ATXN3: variants seen among roughly 807,000 people sequenced by gnomAD.
The protein encoded by ATXN3 is ataxin-3.
ATXN3 carries 28 observed loss-of-function variants against 58.2 expected under a neutral mutation model. The observed-to-expected ratio is 0.48, with a 90% CI of 0.36 to 0.66. The LOEUF (loss-of-function observed/expected upper bound fraction) is 0.66, where lower values mean the gene tolerates loss of function less well. Among genes scored for constraint, ATXN3 ranks in the 30% least tolerant of loss-of-function variants. ATXN3 has a pLI of 0.00. For synonymous variants in ATXN3, 113 were observed against 138.5 expected (o/e 0.82, Z 1.29); for missense variants, 321 against 422.1 (o/e 0.76, Z 2.10).
At chr14:92,088,380 T>C (rs985974939) in intron 6 of ATXN3, among the ~76,000 whole-genome samples, 1 of 152,160 alleles carries the variant, frequency 6.6e-6, no homozygotes, top group Non-Finnish European at 1.5e-5. Context: ...GTTAGGGGCA[T>C]GTATTTCAAA....
intron 1 of ATXN3, among the ~76,000 whole-genome samples, chr14:92,105,777 C>G (rs372110002): frequency 5.9e-5 from 9 of 152,310 alleles, no homozygotes; most frequent in Admixed American, 5.2e-4. Flanking sequence ...GGACAGCAGG[C>G]TAGGCAGACT....
chr14:92,059,905 A>C lies in ATXN3; in HGVS notation c.*4415T>G, dbSNP rs554810577. The C allele has an allele frequency of 2.6e-5, 4 of 151,596 alleles. No individual in the cohort carries two copies. Among genetic ancestry groups the C allele is most frequent in the East Asian group, 1.9e-4 (1 of 5,142 alleles). The allele number at this position is 151,596 out of a possible 1,614,324, so 9.4% of individuals were successfully genotyped here. On this transcript the variant is annotated 3_prime_UTR_variant, in exon 11 of 11. Coordinates refer to ENST00000644486, the MANE Select transcript of ATXN3 (RefSeq NM_004993.6). Reference sequence around the variant, plus strand: ...GTTTCCGGATTAAAAAAAAACAAACAAACCTTTAAGATGGAGTTTTACTCT... The same window carrying C: ...GTTTCCGGATTAAAAAAAAACAAACCAACCTTTAAGATGGAGTTTTACTCT...
chr14:92,045,634 T>A (rs1490497509), intron 2 of ATXN3, among the ~76,000 whole-genome samples: 1 of 152,132 alleles, frequency 6.6e-6, no homozygotes. Context: ...AGTGATTTCC[T>A]TGAGGATAGA....
At chr14:92,076,339 T>C (rs1223408650) in intron 9 of ATXN3, among the ~76,000 whole-genome samples, 1 of 151,664 alleles carries the variant, frequency 6.6e-6, no homozygotes, top group South Asian at 2.1e-4. Flanking sequence ...TCCCAGCTAC[T>C]TGGGAGGCTG....
intron 6 of ATXN3, among the ~76,000 whole-genome samples, chr14:92,085,690 T>C (rs1397743571): frequency 2.6e-5 from 4 of 152,176 alleles, no homozygotes; most frequent in African/African-American, 9.7e-5. Context: ...AAAAAATAAG[T>C]CTTTCATAGA....
At chr14:92,101,353 A>C (rs1054257101) in intron 1 of ATXN3, among the ~76,000 whole-genome samples, 1 of 152,174 alleles carries the variant, frequency 6.6e-6, no homozygotes, top group Non-Finnish European at 1.5e-5. Context: ...AAAATAAATA[A>C]AAATAAAAAC....
intron 6 of ATXN3, among the ~76,000 whole-genome samples, chr14:92,087,623 G>A (rs1566957564): frequency 1.3e-5 from 2 of 152,204 alleles, no homozygotes; most frequent in Admixed American, 1.3e-4. Flanking sequence ...GTATGATGGA[G>A]GGAGAGAGGG....
At chr14:92,064,932 T>C (rs576627670) in intron 10 of ATXN3, among the ~76,000 whole-genome samples, 19 of 152,310 alleles carry the variant, frequency 1.2e-4, no homozygotes, top group African/African-American at 4.6e-4. Context: ...AATAGTTACA[T>C]CTTATGTAAC....
chr14:92,093,699 A>T, intron 4 of ATXN3, 47 bp downstream of exon 4: 1 of 1,387,096 alleles, frequency 7.2e-7, no homozygotes, highest in Non-Finnish European at 1.0e-6. Context: ...AACTTTAAAA[A>T]TCAAATTTGG....
intron 10 of ATXN3, among the ~76,000 whole-genome samples, chr14:92,067,154 T>A (rs964392875): frequency 5.3e-5 from 8 of 152,158 alleles, no homozygotes; most frequent in African/African-American, 1.9e-4. Flanking sequence ...GGAAATCTGC[T>A]GTCATTCAAA....
intron 1 of ATXN3, among the ~76,000 whole-genome samples, chr14:92,100,248 C>T (rs2066461020): frequency 6.6e-6 from 1 of 152,102 alleles, no homozygotes; most frequent in Non-Finnish European, 1.5e-5. Context: ...CTCCTATGAT[C>T]TAGCAATTCC....
rs55995323 is a variant in ATXN3, at chr14:92,085,184, T to A, written c.476-1926A>T. On this transcript the variant is annotated intron_variant, in intron 6 of 10. Coordinates refer to ENST00000644486, the MANE Select transcript of ATXN3 (RefSeq NM_004993.6). ...CTTGGGTTTTATTCAAGACTTCACA[T>A]ATTTTTTTTTTTTAATTTTTTTTTG... 6.3e-3 allele frequency among the ~76,000 whole-genome samples: 945 copies of A among 150,008 alleles called. 10 individuals are homozygous for A. The highest frequency in any genetic ancestry group is 0.021 in the African/African-American group (873 of 40,844).
chr14:92,096,918 T>C, intron 1 of ATXN3, 80 bp from the exon 2 acceptor site: 2 of 1,366,752 alleles, frequency 1.5e-6, no homozygotes, highest in Admixed American at 3.8e-5. Flanking sequence ...TAATTTTTTT[T>C]TTTTTTTGAG....
intron 6 of ATXN3, among the ~76,000 whole-genome samples, chr14:92,087,201 C>T (rs561944356): frequency 1.3e-5 from 2 of 152,018 alleles, no homozygotes; most frequent in African/African-American, 4.8e-5. Flanking sequence ...TTTATAAACA[C>T]CTTGGAGGGT....
At position 92,064,398 on chromosome 14, in the gene ATXN3, T is replaced by C; in HGVS notation, c.1008A>G (p.Glu336=). ...LGSDLGDAMS[E]EDMLQAAVTM... ...TCACAGCTGCCTGAAGCATGTCTTCTTCACTCATAGCATCACCTGTTGGGA... is the reference window on the plus strand; with the variant it reads ...TCACAGCTGCCTGAAGCATGTCTTCCTCACTCATAGCATCACCTGTTGGGA... The change falls in exon 11 of 11, where the codon GAA becomes GAG. Residue 336 remains glutamate (E), a synonymous_variant. Transcript: ENST00000644486. 4 of 1,612,484 alleles carry C rather than the reference T, an allele frequency of 2.5e-6. No homozygotes were observed. Among genetic ancestry groups the C allele is most frequent in the Admixed American group, 1.7e-5 (1 of 59,972 alleles).
Position 92,104,876 on chromosome 14 carries a change from G to A in ATXN3, c.24+1653C>T, listed in dbSNP as rs371007546. 5.4e-3 allele frequency among the ~76,000 whole-genome samples: 812 copies of A among 149,746 alleles called. 9 individuals carry two copies. Among genetic ancestry groups the A allele is most frequent in the African/African-American group, 0.019 (781 of 40,592 alleles). On this transcript the variant is annotated intron_variant, in intron 1 of 10. Transcript: ENST00000644486. ...GGCGGAGGTTGCAGTGAGCCATGAT[G>A]GCGCCATTGCACTCCAGCCTGGGTG...
chr14:92,082,321 C>T lies in ATXN3; in HGVS notation c.754G>A (p.Ala252Thr), dbSNP rs2061611457. Residue 252 changes from alanine to threonine, a missense_variant, in exon 8 of 11, where the codon GCT becomes ACT. Around this residue, in one of 2 missense-constraint regions of ATXN3, gnomAD observed 200 missense variants for 223.2 expected, o/e 0.90. Coordinates refer to ENST00000644486, the MANE Select transcript of ATXN3 (RefSeq NM_004993.6). ...MEDEEADLRRAIQLSMQGSSR... is the reference protein window; with the variant it reads ...MEDEEADLRRTIQLSMQGSSR... ...TTACCTTGCATACTTAGCTGAATAG[C>T]CCTGCGGAGATCTGCTTCCTCATCT... 7 of 1,614,046 alleles carry T rather than the reference C, an allele frequency of 4.3e-6. No homozygotes were observed. The highest frequency in any genetic ancestry group is 1.7e-6 in the Non-Finnish European group (2 of 1,179,992).
intron 2 of ATXN3, among the ~76,000 whole-genome samples, chr14:92,045,864 A>G (rs1243250928): frequency 2.0e-5 from 3 of 152,176 alleles, no homozygotes; most frequent in African/African-American, 7.2e-5. Context: ...AGAAGAAGAA[A>G]AACTGGCCGT....
Position 92,064,333 on chromosome 14 carries a change from T to C in ATXN3, c.1073A>G (p.Glu358Gly), listed in dbSNP as rs774914247. 7 of 1,607,930 alleles carry C rather than the reference T, an allele frequency of 4.4e-6. No individual in the cohort carries two copies. In the South Asian group the frequency reaches 7.7e-5, roughly 18 times the overall value. Residue 358 changes from glutamate to glycine, a missense_variant, in exon 11 of 11, where the codon GAA becomes GGA. Transcript: ENST00000644486. Reference protein sequence around the residue: ...LETVRNDLKTEGKK With the variant: ...LETVRNDLKTGGKK ...TTTTTAAAGGTATTATTTTTTTCCT[T>C]CTGTTTTCAAATCATTTCTGACAGT...
Sources: allele counts gnomAD v4.1 joint callset (sites outside exome capture counted in the v4.1 genomes callset), GRCh38; gene constraint gnomAD v4.1.1; regional missense constraint gnomAD v4.1.1; transcripts MANE v1.5; gene names NCBI Gene and HGNC (gene_info 2026-07-23, HGNC 2026-07-21).